The following CNOT6L variants were observed in gnomAD, a reference collection of about 807,000 sequenced individuals.
CNOT6L encodes CCR4-NOT transcription complex subunit 6 like.
Under a neutral mutation model 64.0 loss-of-function variants are expected in CNOT6L, and 7 were observed. That is an observed-to-expected ratio of 0.11 (90% CI 0.06 to 0.21). The LOEUF (loss-of-function observed/expected upper bound fraction) is 0.21. CNOT6L is among the 10% of genes least tolerant of loss of function. The pLI is 1.00. For synonymous variants in CNOT6L, 193 were observed against 243.4 expected, an observed-to-expected ratio of 0.79 and a Z score of 1.93; for missense variants, 245 against 669.0, an observed-to-expected ratio of 0.37 and a Z score of 6.99.
intron 1 of CNOT6L, among the ~76,000 whole-genome samples, chr4:77,785,379 TATAAC>T (rs1408980699): frequency 2.0e-5 from 3 of 152,112 alleles, no homozygotes; most frequent in African/African-American, 7.2e-5. Flanking sequence ...ATTACTTAGA[TATAAC>T]ATAAAAAGCA....
At position 77,776,405 on chromosome 4, in the gene CNOT6L, A is replaced by AAG; in HGVS notation, c.6-14_6-13insCT. 6.5e-7 allele frequency: 1 copy of AAG among 1,544,586 alleles called. No homozygotes were observed. The highest frequency in any genetic ancestry group is 1.2e-5 in the South Asian group (1 of 83,416). On this transcript the variant is annotated splice_polypyrimidine_tract_variant and intron_variant, in intron 1 of 11. Transcript: ENST00000504123. Reference sequence around the variant, plus strand: ...CATCCCTATTAGTCTGTTTAAAAAAAAAAAGGAGGAGATCAATAATTATTA... The same window carrying AAG: ...CATCCCTATTAGTCTGTTTAAAAAAAAGAAAAGGAGGAGATCAATAATTATTA...
chr4:77,720,665 G>A (rs1721182449), intron 11 of CNOT6L, 22 bp from the exon 12 acceptor site: 1 of 1,602,050 alleles, frequency 6.2e-7, no homozygotes, highest in Admixed American at 1.7e-5. Context: ...TTGGGAATAG[G>A]AAAAAAAGAA....
rs1721103911 is a variant in CNOT6L, at chr4:77,719,874, T to C, written c.*557A>G. On this transcript the variant is annotated 3_prime_UTR_variant, in exon 12 of 12. Transcript: ENST00000504123. ...CAACCATCTTTAATTTTTCAAATTT[T>C]CTTACCATGTATAGAGGCTATATCA... 1 of 152,740 alleles carries C rather than the reference T, an allele frequency of 6.5e-6. No homozygotes were observed. The highest frequency in any genetic ancestry group is 1.9e-4 in the East Asian group (1 of 5,194). 9.5% of individuals were successfully genotyped at this position (152,740 alleles called of 1,614,324 possible).
chr4:77,783,137 C>T (rs1246403475), intron 1 of CNOT6L, among the ~76,000 whole-genome samples: 1 of 125,754 alleles, frequency 8.0e-6, no homozygotes, highest in African/African-American at 3.1e-5. Flanking sequence ...ACATCTCCAG[C>T]TCTGTGACCA....
chr4:77,735,108 G>A (rs1165571033), intron 8 of CNOT6L, among the ~76,000 whole-genome samples: 2 of 152,072 alleles, frequency 1.3e-5, no homozygotes, highest in Non-Finnish European at 2.9e-5. Context: ...ATTAGAAATC[G>A]AAAGCAAAAG....
At chr4:77,802,222 C>G (rs568198975) in intron 1 of CNOT6L, among the ~76,000 whole-genome samples, 1 of 152,240 alleles carries the variant, frequency 6.6e-6, no homozygotes, top group South Asian at 2.1e-4. Flanking sequence ...ACACCTTATA[C>G]ATACAATATA....
intron 11 of CNOT6L, among the ~76,000 whole-genome samples, chr4:77,723,096 CCTTT>C (rs1422492410): frequency 2.4e-4 from 37 of 152,096 alleles, no homozygotes; most frequent in Admixed American, 2.1e-3. Flanking sequence ...AGCTGCCCTT[CCTTT>C]TTTTTATTAA....
At chr4:77,810,328 A>G (rs572066660) in intron 1 of CNOT6L, among the ~76,000 whole-genome samples, 24 of 152,338 alleles carry the variant, frequency 1.6e-4, no homozygotes, top group African/African-American at 4.8e-4. Context: ...GCAAAGTTTC[A>G]TATGAAATTT....
At chr4:77,749,012 T>TC (rs1724530390) in intron 5 of CNOT6L, among the ~76,000 whole-genome samples, 1 of 152,020 alleles carries the variant, frequency 6.6e-6, no homozygotes, top group Admixed American at 6.5e-5. Context: ...ACTACCCCCT[T>TC]TTCTTTTCCT....
chr4:77,728,201 C>T lies in CNOT6L; in HGVS notation c.1252+653G>A, dbSNP rs570995672. 1.6e-3 allele frequency among the ~76,000 whole-genome samples: 251 copies of T among 152,238 alleles called. 1 individual carries two copies. Among genetic ancestry groups the T allele is most frequent in the African/African-American group, 5.9e-3 (246 of 41,540 alleles). On this transcript the variant is annotated intron_variant, in intron 10 of 11. Coordinates refer to ENST00000504123, the MANE Select transcript of CNOT6L (RefSeq NM_144571.3). Reference sequence around the variant, plus strand: ...TTCTTCTGTAACTACTAACATTATCCAAATATCATTTAATGAATTCACTTA... The same window carrying T: ...TTCTTCTGTAACTACTAACATTATCTAAATATCATTTAATGAATTCACTTA...
In CNOT6L at chr4:77,760,860, CTTTTTTTTTTTTTTTT is replaced by C. The variant is rs754195745; in HGVS notation, c.401-3925_401-3910del. 0.011 allele frequency among the ~76,000 whole-genome samples: 335 copies of C among 30,002 alleles called. 14 individuals are homozygous for C. In the Middle Eastern group the frequency reaches 0.13, roughly 12 times the overall value. 19.7% of individuals were successfully genotyped at this position (30,002 alleles called of 152,430 possible). Reference sequence around the variant, plus strand: ...TACAGGTGCACACCACCATGCCTGGCTTTTTTTTTTTTTTTTTTTTTTTTTTTTTTTTTTTAAGGAA... The same window carrying C: ...TACAGGTGCACACCACCATGCCTGGCTTTTTTTTTTTTTTTTTTTAAGGAA... On this transcript the variant is annotated intron_variant, in intron 4 of 11. Coordinates refer to ENST00000504123, the MANE Select transcript of CNOT6L (RefSeq NM_144571.3).
At chr4:77,773,846 T>C (rs1433942046) in intron 3 of CNOT6L, among the ~76,000 whole-genome samples, 3 of 151,924 alleles carry the variant, frequency 2.0e-5, no homozygotes, top group African/African-American at 7.3e-5. Context: ...ATAAATAAGA[T>C]CTAACTTTAT....
chr4:77,806,015 C>T (rs1008680476), intron 1 of CNOT6L, among the ~76,000 whole-genome samples: 1 of 152,230 alleles, frequency 6.6e-6, no homozygotes, highest in Non-Finnish European at 1.5e-5. Context: ...TCTCTGACTT[C>T]CTCATAGTCA....
At chr4:77,742,316 T>A (rs766875368) in intron 7 of CNOT6L, 21 bp from the exon 8 acceptor site, 10 of 1,598,902 alleles carry the variant, frequency 6.3e-6, no homozygotes, top group Non-Finnish European at 8.5e-6. Flanking sequence ...AGAAAAGTTA[T>A]CATCTATATG....
intron 4 of CNOT6L, among the ~76,000 whole-genome samples, chr4:77,760,474 A>T (rs933266210): frequency 6.6e-6 from 1 of 151,976 alleles, no homozygotes; most frequent in Non-Finnish European, 1.5e-5. Context: ...AGGGAAACTT[A>T]CAGCTTTAAA....
At chr4:77,739,607 G>A (rs1577933771) in intron 8 of CNOT6L, among the ~76,000 whole-genome samples, 1 of 152,322 alleles carries the variant, frequency 6.6e-6, no homozygotes, top group South Asian at 2.1e-4. Flanking sequence ...GGGACAGAAG[G>A]TGGTTTTGTT....
chr4:77,819,157 G>GT, intron 1 of CNOT6L, 147 bp downstream of exon 1: 2 of 1,507,086 alleles, frequency 1.3e-6, no homozygotes, highest in Admixed American at 3.8e-5. Context: ...CCCACTCGCC[G>GT]TGGGTCCTCG....
chr4:77,817,201 G>A (rs920130628), intron 1 of CNOT6L, among the ~76,000 whole-genome samples: 2 of 151,742 alleles, frequency 1.3e-5, no homozygotes, highest in African/African-American at 2.4e-5. Context: ...GAAACTGAGA[G>A]ATGGTCTATT....
intron 4 of CNOT6L, among the ~76,000 whole-genome samples, chr4:77,767,379 T>C (rs139563895): frequency 7.2e-5 from 11 of 152,190 alleles, no homozygotes; most frequent in Non-Finnish European, 1.3e-4. Flanking sequence ...GGTGCCCAAA[T>C]TGTCAAAACA....
Sources: gnomAD v4.1 joint callset for allele counts (sites outside exome capture counted in the v4.1 genomes callset) on GRCh38, gnomAD v4.1.1 for gene constraint, MANE v1.5 for transcripts, NCBI Gene and HGNC (gene_info 2026-07-23, HGNC 2026-07-21) for gene names.